The following HCN1 variants were observed in gnomAD, a reference collection of about 807,000 sequenced individuals.
HCN1 encodes hyperpolarization activated cyclic nucleotide gated potassium channel 1, also known as potassium/sodium hyperpolarization-activated cyclic nucleotide-gated channel 1.
A neutral mutation model predicts 78.9 loss-of-function variants in HCN1; 13 were observed. The observed-to-expected ratio is 0.16, with a 90% CI of 0.11 to 0.26. The LOEUF is 0.26. Among genes scored for constraint, HCN1 ranks in the 10% least tolerant of loss-of-function variants. The probability of loss-of-function intolerance (pLI) is 1.00; values close to 1 mark genes in which losing one functional copy is unlikely to be tolerated. For missense variants in HCN1, 810 were observed against 1,154.3 expected (o/e 0.70, Z 4.32); for synonymous variants, 552 against 455.5 (o/e 1.21, Z -2.70).
At chr5:45,499,392 A>G (rs934518068) in intron 2 of HCN1, among the ~76,000 whole-genome samples, 9 of 152,096 alleles carry the variant, frequency 5.9e-5, no homozygotes, top group African/African-American at 1.9e-4. Context: ...TAGGAAAGGG[A>G]ACTCCCTGAC....
intron 1 of HCN1, among the ~76,000 whole-genome samples, chr5:45,668,749 G>C (rs981204862): frequency 2.5e-4 from 38 of 151,952 alleles, no homozygotes; most frequent in African/African-American, 9.2e-4. Context: ...ACAAGAACTT[G>C]ACGTAATAAG....
chr5:45,574,931 G>A (rs1047361098), intron 2 of HCN1: 2 of 152,234 alleles, frequency 1.3e-5, no homozygotes, highest in African/African-American at 4.8e-5. Context: ...AAATGAGGAA[G>A]CTACAGAAGA....
intron 2 of HCN1, among the ~76,000 whole-genome samples, chr5:45,470,092 T>C (rs954184080): frequency 6.6e-6 from 1 of 152,018 alleles, no homozygotes; most frequent in African/African-American, 2.4e-5. Flanking sequence ...AAGCAAAGCT[T>C]ATTCATAATT....
intron 1 of HCN1, among the ~76,000 whole-genome samples, chr5:45,679,643 G>A (rs547908179): frequency 6.8e-4 from 104 of 152,136 alleles, no homozygotes; most frequent in Non-Finnish European, 1.2e-3. Context: ...TATTGATTAT[G>A]AAAGAATTTA....
chr5:45,293,811 G>C (rs897063477), intron 6 of HCN1, among the ~76,000 whole-genome samples: 17 of 151,898 alleles, frequency 1.1e-4, no homozygotes, highest in Admixed American at 9.2e-4. Flanking sequence ...AGTTAGCAAA[G>C]CTTCAGCTTG....
chr5:45,606,937 A>G (rs1029938642), intron 2 of HCN1, among the ~76,000 whole-genome samples: 1 of 151,994 alleles, frequency 6.6e-6, no homozygotes, highest in African/African-American at 2.4e-5. Flanking sequence ...TAAGGCTCAC[A>G]TTAGAAAAAA....
chr5:45,272,726 A>G (rs566261795), intron 6 of HCN1, among the ~76,000 whole-genome samples: 1 of 152,206 alleles, frequency 6.6e-6, no homozygotes, highest in East Asian at 1.9e-4. Context: ...TGTTTATAAT[A>G]AAGAAAACTA....
chr5:45,585,227 C>A (rs1447077809), intron 2 of HCN1, among the ~76,000 whole-genome samples: 1 of 152,124 alleles, frequency 6.6e-6, no homozygotes, highest in Non-Finnish European at 1.5e-5. Context: ...TTGTTCATTT[C>A]TTTTTATTCT....
chr5:45,457,893 T>C (rs770586819), intron 3 of HCN1, among the ~76,000 whole-genome samples: 12 of 152,156 alleles, frequency 7.9e-5, no homozygotes, highest in African/African-American at 1.2e-4. Flanking sequence ...CACCTCTTAC[T>C]AGACTTTGCA....
intron 4 of HCN1, 71 bp from the exon 5 acceptor site, chr5:45,353,317 T>A (rs1746949339): frequency 1.7e-6 from 2 of 1,205,030 alleles, no homozygotes; most frequent in South Asian, 2.5e-5. Context: ...TTATTTTGTT[T>A]TGCTATATTC....
At chr5:45,689,096 G>C (rs1739859324) in intron 1 of HCN1, among the ~76,000 whole-genome samples, 1 of 151,904 alleles carries the variant, frequency 6.6e-6, no homozygotes, top group Non-Finnish European at 1.5e-5. Flanking sequence ...GAACTTACTA[G>C]AAAATATTGA....
chr5:45,280,238 T>C (rs1745131942), intron 6 of HCN1, among the ~76,000 whole-genome samples: 1 of 152,060 alleles, frequency 6.6e-6, no homozygotes, highest in Non-Finnish European at 1.5e-5. Flanking sequence ...ATCATCACTA[T>C]CATAGCAGAA....
At chr5:45,454,604 T>C (rs1025488941) in intron 3 of HCN1, among the ~76,000 whole-genome samples, 5 of 152,038 alleles carry the variant, frequency 3.3e-5, no homozygotes, top group African/African-American at 1.2e-4. Flanking sequence ...AAATCTAAAA[T>C]AGATTACTGA....
intron 4 of HCN1, among the ~76,000 whole-genome samples, chr5:45,363,145 CAT>C (rs34074894): frequency 0.23 from 30,707 of 131,030 alleles, 3,580 homozygotes; most frequent in Middle Eastern, 0.37. Flanking sequence ...TATATATATA[CAT>C]ATATATATAT....
At chr5:45,465,775 CA>C (rs1741258276) in intron 2 of HCN1, among the ~76,000 whole-genome samples, 4 of 151,966 alleles carry the variant, frequency 2.6e-5, no homozygotes. Context: ...AGTTTTTAAA[CA>C]ACTCTTTAAT....
chr5:45,610,097 T>C (rs1427149378), intron 2 of HCN1, among the ~76,000 whole-genome samples: 1 of 152,156 alleles, frequency 6.6e-6, no homozygotes, highest in Non-Finnish European at 1.5e-5. Context: ...AAGGTTTGTG[T>C]TATAGAAGAG....
intron 2 of HCN1, among the ~76,000 whole-genome samples, chr5:45,564,472 G>A (rs192743901): frequency 8.5e-4 from 130 of 152,070 alleles, no homozygotes; most frequent in African/African-American, 2.9e-3. Flanking sequence ...TCCTGACCTC[G>A]TGATCTGCCC....
In HCN1 at chr5:45,259,478, G is replaced by A. The variant is rs1279489714; in HGVS notation, c.*2443C>T. ...GGCTTCACTATGTACAGAGAAAAGAGGTCACTTTTCAACTAGCAATGGACC... is the reference window on the plus strand; with the variant it reads ...GGCTTCACTATGTACAGAGAAAAGAAGTCACTTTTCAACTAGCAATGGACC... On this transcript the variant is annotated 3_prime_UTR_variant, in exon 8 of 8. Coordinates refer to ENST00000303230, the MANE Select transcript of HCN1 (RefSeq NM_021072.4). The A allele has an allele frequency of 1.3e-5, 2 of 152,158 alleles. No homozygotes were observed. Among genetic ancestry groups the A allele is most frequent in the East Asian group, 3.9e-4 (2 of 5,188 alleles). The allele number at this position is 152,158 out of a possible 1,614,324, so 9.4% of individuals were successfully genotyped here.
intron 3 of HCN1, among the ~76,000 whole-genome samples, chr5:45,452,265 G>A (rs1211687630): frequency 3.3e-5 from 5 of 151,608 alleles, no homozygotes; most frequent in Admixed American, 3.3e-4. Context: ...CTCTTATTTG[G>A]ATTGGAGCTG....
Sources: allele counts gnomAD v4.1 joint callset (sites outside exome capture counted in the v4.1 genomes callset), GRCh38; gene constraint gnomAD v4.1.1; transcripts MANE v1.5; gene names NCBI Gene and HGNC (gene_info 2026-07-23, HGNC 2026-07-21).